The following TH variants were observed in gnomAD, a reference collection of about 807,000 sequenced individuals.
TH encodes the protein tyrosine hydroxylase.
TH carries 49 observed loss-of-function variants against 57.4 expected under a neutral mutation model. That is an observed-to-expected ratio of 0.85 (90% confidence interval 0.68 to 1.08). The LOEUF (loss-of-function observed/expected upper bound fraction) is 1.08. TH is among the 50% of genes least tolerant of loss of function. The pLI is 0.00. For missense variants in TH, 720 were observed against 696.7 expected, an observed-to-expected ratio of 1.03 and a Z score of -0.38; for synonymous variants, 330 against 304.5, an observed-to-expected ratio of 1.08 and a Z score of -0.87.
chr11:2,168,322 G>T (rs1846157498), intron 3 of TH, 143 bp from the exon 4 acceptor site: 1 of 1,345,576 alleles, frequency 7.4e-7, no homozygotes, highest in Non-Finnish European at 1.0e-6. Context: ...TCCTGGAGTG[G>T]CCCCAGGCCC....
chr11:2,166,924 A>ATTGTC lies in TH; in HGVS notation c.799_803dup (p.Asn268LysfsTer14). 6.2e-7 allele frequency: 1 copy of ATTGTC among 1,603,394 alleles called. No homozygotes were observed. The highest frequency in any genetic ancestry group is 8.5e-7 in the Non-Finnish European group (1 of 1,176,140). ...GGGAGACGTCCTCCAGCTGGGGGAT[A>ATTGTC]TTGTCTTCCCGGTAGCCGCTGAAGC... is the stretch of plus-strand genomic sequence containing the variant. On this transcript the variant is annotated frameshift_variant, in exon 7 of 13. Transcript: ENST00000352909. LOFTEE classifies it high-confidence loss of function.
Position 2,169,795 on chromosome 11 carries a change from G to A in TH, c.167C>T (p.Ala56Val), listed in dbSNP as rs745974715. The part of the protein sequence containing the change: ...RKEREAAVAA[A>V]AAAVPSEPGD... ...GGGCTCCGAGGGGACTGCAGCGGCC[G>A]CTGCTGCCACCGCCGCCTCCCGCTC... Residue 56 changes from alanine to valine, a missense_variant, in exon 2 of 13, where the codon GCG becomes GTG. Ala to Val is a moderately conservative substitution (Grantham distance 64, BLOSUM62 0). Transcript: ENST00000352909. 2.0e-5 allele frequency: 33 copies of A among 1,610,996 alleles called. No individual in the cohort carries two copies. The highest frequency in any genetic ancestry group is 1.2e-4 in the African/African-American group (9 of 74,900).
rs983402379 is a variant in TH at position 2,165,609 on chromosome 11, C to G, written c.1200+59G>C. 3 of 1,573,632 alleles carry G rather than the reference C, an allele frequency of 1.9e-6. No homozygotes were observed. In the Admixed American group the frequency reaches 5.1e-5, roughly 27 times the overall value. The stretch of plus-strand genomic sequence containing the variant: ...CTCCCACTGGGAGCCTGTCCCCTCC[C>G]TGCACCGTCCCCCAGCCCTGCCCCT... On this transcript the variant is annotated intron_variant, in intron 11 of 12. Transcript: ENST00000352909.
intron 10 of TH, 42 bp from the exon 11 acceptor site, chr11:2,165,805 G>A (rs1348728968): frequency 1.1e-5 from 17 of 1,588,302 alleles, no homozygotes; most frequent in East Asian, 7.0e-5. Flanking sequence ...GACAGCTGCC[G>A]CCCACCGGGC....
rs1846224442 is a variant in TH, at chr11:2,170,548, TG to T, written c.91-678del. ...GACAGAGGGGGACTTGGCAGACACC[TG>T]GGGCTCATCCCTTGGAGCTGAACTC... On this transcript the variant is annotated intron_variant, in intron 1 of 12. Transcript: ENST00000352909. The surrounding 1 kb of genome is among the most constrained non-coding windows in gnomAD (Gnocchi z 6.0). The T allele has an allele frequency of 8.6e-6, 7 of 811,178 alleles. No homozygotes were observed. The South Asian group carries it at 8.7e-5, about 10-fold the overall frequency. The allele number at this position is 811,178 out of a possible 1,614,324, so 50.2% of individuals were successfully genotyped here. A position where few individuals can be genotyped will look rare whatever the true frequency, so the allele number is the denominator to read the frequency against.
chr11:2,165,765 T>G lies in TH; in HGVS notation c.1105-2A>C. On this transcript the variant is annotated splice_acceptor_variant, in intron 10 of 12. Coordinates refer to ENST00000352909, the MANE Select transcript of TH (RefSeq NM_000360.4). LOFTEE classifies it high-confidence loss of function. ...GAACTCCACCGTGAACCAGTACAGC[T>G]GCGGGGAAGCCGGGCAGCATCAGCC... The G allele has an allele frequency of 6.2e-7, 1 of 1,611,664 alleles. No individual in the cohort carries two copies. The highest frequency in any genetic ancestry group is 8.5e-7 in the Non-Finnish European group (1 of 1,179,608).
chr11:2,171,085 GTGAATGAA>G lies in TH; in HGVS notation c.90+604_90+611del, dbSNP rs59181491. ...GGTCACAGGGAACACAGACTCCATG[GTGAATGAA>G]TGAATGAATGAATGAATGAATGAGG... is the stretch of plus-strand genomic sequence containing the variant. On this transcript the variant is annotated intron_variant, in intron 1 of 12. Coordinates refer to ENST00000352909, the MANE Select transcript of TH (RefSeq NM_000360.4). This position sits in a 1 kb window ranked among gnomAD's most constrained non-coding sequence, Gnocchi z 8.6. Among the ~76,000 whole-genome samples, 286 of 140,884 alleles carry G rather than the reference GTGAATGAA, an allele frequency of 2.0e-3. No individual in the cohort carries two copies. The highest frequency in any genetic ancestry group is 2.7e-3 in the African/African-American group (107 of 39,590). The allele number at this position is 140,884 out of a possible 152,430, so 92.4% of individuals were successfully genotyped here. A position where few individuals can be genotyped will look rare whatever the true frequency, so the allele number is the denominator to read the frequency against.
intron 7 of TH, 56 bp from the exon 8 acceptor site, chr11:2,166,824 G>C: frequency 6.4e-7 from 1 of 1,561,842 alleles, no homozygotes. Context: ...GCCGCGCTGG[G>C]GTGGGGCGCT....
Position 2,170,790 on chromosome 11 carries a change from T to A in TH, c.90+907A>T. ...GGCGCCCTGGGGAGGGGATGCCTGA[T>A]GGGGAGCCTGGTGGGGGAGGGTAGG... On this transcript the variant is annotated intron_variant, in intron 1 of 12. Transcript: ENST00000352909. This position sits in a 1 kb window ranked among gnomAD's most constrained non-coding sequence, Gnocchi z 6.0. The A allele has an allele frequency of 2.0e-6, 1 of 501,856 alleles. No homozygotes were observed. The allele number at this position is 501,856 out of a possible 1,614,324, so 31.1% of individuals were successfully genotyped here.
chr11:2,167,598 T>C (rs997987769), intron 5 of TH, 113 bp from the exon 6 acceptor site: 26 of 1,334,560 alleles, frequency 1.9e-5, no homozygotes, highest in Non-Finnish European at 2.5e-5. Flanking sequence ...GCGAGGCCTT[T>C]GGGTTGGAGG....
intron 12 of TH, among the ~76,000 whole-genome samples, 185 bp downstream of exon 12, chr11:2,165,047 C>T (rs1048471806): frequency 1.3e-5 from 2 of 152,200 alleles, no homozygotes; most frequent in African/African-American, 4.8e-5. Flanking sequence ...GTCTGCCCCT[C>T]CCCAGACGCT....
At position 2,168,248 on chromosome 11, in the gene TH, G is replaced by A; in HGVS notation, c.488-69C>T. On this transcript the variant is annotated intron_variant, in intron 3 of 12. Coordinates refer to ENST00000352909, the MANE Select transcript of TH (RefSeq NM_000360.4). Reference sequence around the variant, plus strand: ...GTGGGGCTGTGTCACCCACCTTGAAGCAGCCTCCCCTACAAGACTTCCGGG... The same window carrying A: ...GTGGGGCTGTGTCACCCACCTTGAAACAGCCTCCCCTACAAGACTTCCGGG... 13 of 1,539,560 alleles carry A rather than the reference G, an allele frequency of 8.4e-6. 1 individual carries two copies. In the South Asian group the frequency reaches 1.5e-4, roughly 17 times the overall value.
At position 2,164,781 on chromosome 11, in the gene TH, C is replaced by T. The variant is rs559234265; in HGVS notation, c.1335-389G>A. Among the ~76,000 whole-genome samples, 117 of 152,250 alleles carry T rather than the reference C, an allele frequency of 7.7e-4. 1 individual carries two copies. The highest frequency in any genetic ancestry group is 2.5e-3 in the African/African-American group (104 of 41,544). On this transcript the variant is annotated intron_variant, in intron 12 of 12. Coordinates refer to ENST00000352909, the MANE Select transcript of TH (RefSeq NM_000360.4). ...AGAGGCTGGAGGGAAAATGATGAGA[C>T]CTTTTATGAGGATGAGGCTAGAGGG...
At chr11:2,166,385 A>G in intron 9 of TH, 95 bp downstream of exon 9, 1 of 1,453,162 alleles carries the variant, frequency 6.9e-7, no homozygotes, top group Non-Finnish European at 9.2e-7. Flanking sequence ...GGGAGCAGGC[A>G]GCACACTTCA....
In TH at chr11:2,171,134, C is replaced by T. The variant is rs1424756383; in HGVS notation, c.90+563G>A. Among the ~76,000 whole-genome samples the T allele has an allele frequency of 1.3e-5, 2 of 150,622 alleles. No homozygotes were observed. Among genetic ancestry groups the T allele is most frequent in the African/African-American group, 4.9e-5 (2 of 41,110 alleles). The stretch of plus-strand genomic sequence containing the variant: ...ATGAATGAGGGAAATAAGGGAGGAA[C>T]AGGCCAATGGGAATCACCCCAGAGC... On this transcript the variant is annotated intron_variant, in intron 1 of 12. Coordinates refer to ENST00000352909, the MANE Select transcript of TH (RefSeq NM_000360.4). This position sits in a 1 kb window ranked among gnomAD's most constrained non-coding sequence, Gnocchi z 8.6.
At chr11:2,169,622 C>T (rs1400517364) in intron 2 of TH, 28 bp downstream of exon 2, 2 of 1,610,776 alleles carry the variant, frequency 1.2e-6, no homozygotes, top group African/African-American at 2.7e-5. Context: ...GTGAACTTGC[C>T]CCAGGGACAC....
chr11:2,167,232 T>C, intron 6 of TH, 200 bp from the exon 7 acceptor site: 1 of 965,080 alleles, frequency 1.0e-6, no homozygotes, highest in Non-Finnish European at 1.5e-6. Context: ...TGAGGGGCGG[T>C]CCCTCAGCAC....
Position 2,169,666 on chromosome 11 carries a change from G to T in TH, c.296C>A (p.Ala99Asp), listed in dbSNP as rs1213326101. The change falls in exon 2 of 13, where the codon GCT becomes GAT. Residue 99 changes from alanine to aspartate, a missense_variant. Physicochemically the swap from Ala to Asp is moderately radical, Grantham distance 126. Transcript: ENST00000352909. ...CCAGCTCACCTCAAACACCTTCACA[G>T]CTCGGGACAGCGCCGAGGGCTTGGT... is the stretch of plus-strand genomic sequence containing the variant. ...RATKPSALSRAVKVFETFEAK... is the reference protein window; with the variant it reads ...RATKPSALSRDVKVFETFEAK... The T allele has an allele frequency of 6.2e-7, 1 of 1,613,540 alleles. No homozygotes were observed. Among genetic ancestry groups the T allele is most frequent in the Non-Finnish European group, 8.5e-7 (1 of 1,179,968 alleles).
At chr11:2,169,980 G>T in intron 1 of TH, 109 bp from the exon 2 acceptor site, 2 of 1,158,096 alleles carry the variant, frequency 1.7e-6, no homozygotes, top group Non-Finnish European at 2.5e-6. Flanking sequence ...AGAGGCAGGG[G>T]ATGAGAGCAC....
Sources: gnomAD v4.1 joint callset for allele counts (sites outside exome capture counted in the v4.1 genomes callset) on GRCh38, gnomAD v4.1.1 for gene constraint, Gnocchi (gnomAD v3.1) non-coding constraint, MANE v1.5 for transcripts, NCBI Gene and HGNC (gene_info 2026-07-23, HGNC 2026-07-21) for gene names.